Variants in RIMS4 observed in about 807,000 individuals in gnomAD.
The protein encoded by RIMS4 is regulating synaptic membrane exocytosis 4, also known as regulating synaptic membrane exocytosis protein 4.
Under a neutral mutation model 29.0 loss-of-function variants are expected in RIMS4, and 9 were observed. That is an observed-to-expected ratio of 0.31 (90% CI 0.19 to 0.54). RIMS4 has a LOEUF of 0.54. RIMS4 is among the 20% of genes least tolerant of loss of function. RIMS4 has a pLI of 0.94. For synonymous variants in RIMS4, 130 were observed against 152.9 expected, an observed-to-expected ratio of 0.85 and a Z score of 1.10; for missense variants, 193 against 365.7, an observed-to-expected ratio of 0.53 and a Z score of 3.85.
chr20:44,758,268 A>G (rs1000166848), intron 2 of RIMS4, 84 bp from the exon 3 acceptor site: 1 of 893,272 alleles, frequency 1.1e-6, no homozygotes, highest in Non-Finnish European at 1.7e-6. Context: ...CCTCCATGCA[A>G]TGGATATGCT....
intron 1 of RIMS4, among the ~76,000 whole-genome samples, chr20:44,779,897 C>T (rs2066176369): frequency 6.6e-6 from 1 of 152,056 alleles, no homozygotes; most frequent in African/African-American, 2.4e-5. Context: ...AGAAGTGAGG[C>T]TAAAGATTGG....
chr20:44,789,749 C>T (rs1487603853), intron 1 of RIMS4, among the ~76,000 whole-genome samples: 1 of 152,154 alleles, frequency 6.6e-6, no homozygotes, highest in East Asian at 1.9e-4. Flanking sequence ...AGATGGTGGT[C>T]TTGCTATGTT....
At chr20:44,770,440 G>T (rs1182917370) in intron 2 of RIMS4, among the ~76,000 whole-genome samples, 1 of 152,202 alleles carries the variant, frequency 6.6e-6, no homozygotes, top group African/African-American at 2.4e-5. Context: ...GTGGGAGAAT[G>T]AGGGTGTACA....
chr20:44,808,576 A>C (rs533885150), intron 1 of RIMS4, among the ~76,000 whole-genome samples: 8 of 152,340 alleles, frequency 5.3e-5, no homozygotes, highest in African/African-American at 1.9e-4. Flanking sequence ...ATGAAGGCAG[A>C]AGTTAAACCT....
intron 1 of RIMS4, among the ~76,000 whole-genome samples, chr20:44,782,110 G>A (rs913433553): frequency 3.9e-5 from 6 of 152,144 alleles, no homozygotes; most frequent in Admixed American, 2.0e-4. Context: ...ACTAATCTGA[G>A]TCTAAGTTCC....
intron 2 of RIMS4, 71 bp downstream of exon 2, chr20:44,771,204 T>C: frequency 6.5e-7 from 1 of 1,532,174 alleles, no homozygotes; most frequent in South Asian, 1.3e-5. Flanking sequence ...CCCAGAGGGG[T>C]TGCTCAGTCC....
intron 2 of RIMS4, among the ~76,000 whole-genome samples, chr20:44,767,703 T>C (rs2066119849): frequency 6.6e-6 from 1 of 152,254 alleles, no homozygotes; most frequent in African/African-American, 2.4e-5. Context: ...CTCTCTGAGC[T>C]TCCATTTCCT....
chr20:44,787,237 G>C (rs1262542643), intron 1 of RIMS4, among the ~76,000 whole-genome samples: 1 of 152,106 alleles, frequency 6.6e-6, no homozygotes, highest in Non-Finnish European at 1.5e-5. Context: ...TGGGGCAGGA[G>C]GAGAGGGCAG....
At chr20:44,769,394 G>A (rs1160148997) in intron 2 of RIMS4, among the ~76,000 whole-genome samples, 1 of 152,094 alleles carries the variant, frequency 6.6e-6, no homozygotes, top group South Asian at 2.1e-4. Flanking sequence ...AGACCTGCCC[G>A]TGAGGCTGAC....
At chr20:44,760,260 A>G (rs1372751112) in intron 2 of RIMS4, among the ~76,000 whole-genome samples, 7 of 152,104 alleles carry the variant, frequency 4.6e-5, no homozygotes, top group African/African-American at 1.7e-4. Flanking sequence ...GGCTGGGGGG[A>G]TCTGAAAGCA....
intron 2 of RIMS4, among the ~76,000 whole-genome samples, chr20:44,758,505 C>A (rs1216515712): frequency 6.6e-6 from 1 of 152,222 alleles, no homozygotes; most frequent in Non-Finnish European, 1.5e-5. Flanking sequence ...GTGAGCTGCA[C>A]TGCAAACGGC....
chr20:44,765,479 C>G (rs946203164), intron 2 of RIMS4, among the ~76,000 whole-genome samples: 4 of 152,320 alleles, frequency 2.6e-5, no homozygotes, highest in East Asian at 3.9e-4. Flanking sequence ...GTCTGGCATA[C>G]TCAAATGCTC....
rs543695670 is a variant in RIMS4 at position 44,771,591 on chromosome 20, A to C, written c.98-178T>G. On this transcript the variant is annotated intron_variant, in intron 1 of 5. Transcript: ENST00000372851. The stretch of plus-strand genomic sequence containing the variant: ...CCTCACCAGTAACCACTCCACCAAC[A>C]AACAGTATTGCATGAGTTCTGTTAA... Among the ~76,000 whole-genome samples, 7 of 152,334 alleles carry C rather than the reference A, an allele frequency of 4.6e-5. No homozygotes were observed. In the South Asian group the frequency reaches 1.4e-3, roughly 32 times the overall value.
At chr20:44,785,883 G>C (rs534823100) in intron 1 of RIMS4, among the ~76,000 whole-genome samples, 1 of 152,106 alleles carries the variant, frequency 6.6e-6, no homozygotes, top group African/African-American at 2.4e-5. Flanking sequence ...ATGGTCCCAG[G>C]AAAGGGGGCC....
chr20:44,752,672 A>C lies in RIMS4; in HGVS notation c.*3462T>G, dbSNP rs768306221. On this transcript the variant is annotated 3_prime_UTR_variant, in exon 6 of 6. Coordinates refer to ENST00000372851, the MANE Select transcript of RIMS4 (RefSeq NM_182970.4). The stretch of plus-strand genomic sequence containing the variant: ...AAAAGCATTCTGAAAACAAAGTCTG[A>C]AAAGCACAACAGGAAGGCCAGGTCT... 1 of 152,468 alleles carries C rather than the reference A, an allele frequency of 6.6e-6. No homozygotes were observed. Among genetic ancestry groups the C allele is most frequent in the Non-Finnish European group, 1.5e-5 (1 of 68,220 alleles). 9.4% of individuals were successfully genotyped at this position (152,468 alleles called of 1,614,324 possible).
intron 1 of RIMS4, among the ~76,000 whole-genome samples, chr20:44,796,703 C>T (rs1298614661): frequency 1.3e-5 from 2 of 152,196 alleles, no homozygotes; most frequent in Non-Finnish European, 2.9e-5. Context: ...GAGAAGGAGA[C>T]ATCAGGCACC....
chr20:44,757,710 A>G lies in RIMS4; in HGVS notation c.411T>C (p.Ala137=), dbSNP rs199782572. 6.2e-7 allele frequency: 1 copy of G among 1,614,102 alleles called. No homozygotes were observed. The highest frequency in any genetic ancestry group is 1.1e-5 in the South Asian group (1 of 91,072). The change falls in exon 4 of 6, where the codon GCT becomes GCC. Residue 137 remains alanine (A), a synonymous_variant. Transcript: ENST00000372851. ...AGCCTGGCTTGGCTGTCAGTCCCCGAGCCTGGATAATGTCCACCTCCAACT... is the reference window on the plus strand; with the variant it reads ...AGCCTGGCTTGGCTGTCAGTCCCCGGGCCTGGATAATGTCCACCTCCAACT... ...NGQLEVDIIQ[A]RGLTAKPGSK... is the part of the protein sequence containing the mutation.
chr20:44,756,465 C>T lies in RIMS4; in HGVS notation c.592-113G>A. On this transcript the variant is annotated intron_variant, in intron 5 of 5. Coordinates refer to ENST00000372851, the MANE Select transcript of RIMS4 (RefSeq NM_182970.4). This position sits in a 1 kb window ranked among gnomAD's most constrained non-coding sequence, Gnocchi z 5.9. ...CAGCTCAGTCCTGTGATTTCTACCT[C>T]CTTAAAACTGCAATTCCTCAACAGG... 1.2e-6 allele frequency: 1 copy of T among 810,658 alleles called. No homozygotes were observed. Among genetic ancestry groups the T allele is most frequent in the Non-Finnish European group, 2.0e-6 (1 of 504,660 alleles). The allele number at this position is 810,658 out of a possible 1,614,324, so 50.2% of individuals were successfully genotyped here. A position where few individuals can be genotyped will look rare whatever the true frequency, so the allele number is the denominator to read the frequency against.
At position 44,791,600 on chromosome 20, in the gene RIMS4, C is replaced by T. The variant is rs374336106; in HGVS notation, c.97+18575G>A. On this transcript the variant is annotated intron_variant, in intron 1 of 5. Transcript: ENST00000372851. ...ATGATACCGTTTTTAAAAATTAAAA[C>T]CACAAATGGCGACTCTCCCACTCCC... 4.1e-4 allele frequency among the ~76,000 whole-genome samples: 62 copies of T among 152,292 alleles called. No individual in the cohort carries two copies. In the South Asian group the frequency reaches 0.012, roughly 31 times the overall value.
Sources: allele counts gnomAD v4.1 joint callset (sites outside exome capture counted in the v4.1 genomes callset), GRCh38; gene constraint gnomAD v4.1.1; non-coding constraint Gnocchi (gnomAD v3.1); transcripts MANE v1.5; gene names NCBI Gene and HGNC (gene_info 2026-07-23, HGNC 2026-07-21).